The following GRID1 variants were observed in gnomAD, a reference collection of about 807,000 sequenced individuals.
GRID1 encodes glutamate receptor ionotropic, delta-1.
A neutral mutation model predicts 98.0 loss-of-function variants in GRID1; 28 were observed. The ratio of observed to expected loss-of-function variants is 0.29; its 90% CI spans 0.21 to 0.39. The LOEUF (loss-of-function observed/expected upper bound fraction) is 0.39, where lower values mean the gene tolerates loss of function less well. Among genes scored for constraint, GRID1 ranks in the 10% least tolerant of loss-of-function variants. The pLI is 1.00. For synonymous variants in GRID1, 553 were observed against 538.5 expected (o/e 1.03, Z -0.37); for missense variants, 1,111 against 1,340.5 (o/e 0.83, Z 2.67).
At position 85,789,298 on chromosome 10, in the gene GRID1, C is replaced by T. The variant is rs376597761; in HGVS notation, c.1234-59684G>A. Among the ~76,000 whole-genome samples the T allele has an allele frequency of 1.6e-4, 24 of 152,224 alleles. No individual in the cohort carries two copies. The South Asian group carries it at 2.3e-3, about 14-fold the overall frequency. On this transcript the variant is annotated intron_variant, in intron 8 of 15. Transcript: ENST00000327946. ...CCAAAGCTGACACTGCACAGAGTAC[C>T]GCCATCCGTGTGCAGGCTGGTGCCC... is the stretch of plus-strand genomic sequence containing the variant.
intron 2 of GRID1, among the ~76,000 whole-genome samples, chr10:86,265,250 C>G (rs532352289): frequency 6.6e-6 from 1 of 152,354 alleles, no homozygotes; most frequent in South Asian, 2.1e-4. Context: ...CTGACGGCTC[C>G]CTCTCTTGAC....
intron 12 of GRID1, among the ~76,000 whole-genome samples, chr10:85,688,246 T>C (rs1206088840): frequency 2.6e-5 from 4 of 152,192 alleles, no homozygotes; most frequent in Non-Finnish European, 5.9e-5. Flanking sequence ...ATCATTGCCT[T>C]TGGTGTCTAC....
chr10:85,918,902 T>C (rs1008397171), intron 4 of GRID1, among the ~76,000 whole-genome samples: 1 of 152,208 alleles, frequency 6.6e-6, no homozygotes, highest in African/African-American at 2.4e-5. Flanking sequence ...CTGACATTCT[T>C]CAGCAATGAT....
chr10:85,988,160 G>A (rs1842635468), intron 4 of GRID1, among the ~76,000 whole-genome samples: 1 of 152,008 alleles, frequency 6.6e-6, no homozygotes, highest in Non-Finnish European at 1.5e-5. Flanking sequence ...CCTCCTGCTG[G>A]ATTTAAGTGA....
intron 6 of GRID1, among the ~76,000 whole-genome samples, chr10:85,864,122 C>T (rs1363965729): frequency 6.6e-6 from 1 of 152,216 alleles, no homozygotes; most frequent in Non-Finnish European, 1.5e-5. Context: ...AGGAACTGAC[C>T]TCTGACCAAA....
chr10:86,134,519 G>A (rs1218952751), intron 4 of GRID1, among the ~76,000 whole-genome samples: 5 of 152,274 alleles, frequency 3.3e-5, no homozygotes, highest in African/African-American at 1.2e-4. Context: ...ACTGTAGGGC[G>A]TTAACCTCTA....
chr10:86,198,517 G>A (rs115601724), intron 3 of GRID1, among the ~76,000 whole-genome samples: 13 of 152,226 alleles, frequency 8.5e-5, no homozygotes, highest in African/African-American at 2.6e-4. Flanking sequence ...CAGTTACCAC[G>A]CGCCAGGTAC....
At position 86,023,666 on chromosome 10, in the gene GRID1, C is replaced by G. The variant is rs549140533; in HGVS notation, c.727-107427G>C. On this transcript the variant is annotated intron_variant, in intron 4 of 15. Transcript: ENST00000327946. ...CCAAGGCCAGACTCACCACCTCCCC[C>G]TGACCAAACACATTCTTCTTCCTGA... Among the ~76,000 whole-genome samples, 7 of 152,248 alleles carry G rather than the reference C, an allele frequency of 4.6e-5. No homozygotes were observed. In the South Asian group the frequency reaches 1.2e-3, roughly 27 times the overall value.
At chr10:85,825,855 A>AATTTT (rs1248466245) in intron 8 of GRID1, among the ~76,000 whole-genome samples, 73 of 152,340 alleles carry the variant, frequency 4.8e-4, no homozygotes, top group African/African-American at 1.6e-3. Context: ...ATTATCAATA[A>AATTTT]CTTATATTTT....
chr10:85,848,733 T>C (rs566157930), intron 8 of GRID1, among the ~76,000 whole-genome samples: 4 of 152,362 alleles, frequency 2.6e-5, no homozygotes, highest in Admixed American at 2.6e-4. Context: ...TGGGTATGTA[T>C]TGATAAAAAC....
chr10:86,118,079 T>G (rs779385403), intron 4 of GRID1, among the ~76,000 whole-genome samples: 1 of 152,042 alleles, frequency 6.6e-6, no homozygotes, highest in Non-Finnish European at 1.5e-5. Context: ...AACAAGTGAA[T>G]TAAGAAAATG....
intron 3 of GRID1, among the ~76,000 whole-genome samples, chr10:86,203,322 G>A (rs1440004024): frequency 6.6e-6 from 1 of 152,112 alleles, no homozygotes; most frequent in Non-Finnish European, 1.5e-5. Flanking sequence ...GGCTGTATTA[G>A]CAATGTGTAT....
chr10:85,820,237 A>T (rs890040419), intron 8 of GRID1, among the ~76,000 whole-genome samples: 2 of 151,554 alleles, frequency 1.3e-5, no homozygotes, highest in African/African-American at 4.9e-5. Flanking sequence ...CCTGATAAAT[A>T]CTCTTCAAAA....
At chr10:85,876,262 C>T (rs1303797422) in intron 5 of GRID1, among the ~76,000 whole-genome samples, 1 of 124,480 alleles carries the variant, frequency 8.0e-6, no homozygotes, top group Non-Finnish European at 1.8e-5. Context: ...AGGATGCCCT[C>T]CTTTGGAGAC....
intron 8 of GRID1, among the ~76,000 whole-genome samples, chr10:85,764,501 GA>G (rs950830429): frequency 6.6e-6 from 1 of 152,204 alleles, no homozygotes; most frequent in Non-Finnish European, 1.5e-5. Context: ...TTGATGTGGG[GA>G]AAGTCAGCCA....
chr10:86,328,982 G>A (rs1848097263), intron 2 of GRID1, among the ~76,000 whole-genome samples: 1 of 152,166 alleles, frequency 6.6e-6, no homozygotes, highest in Non-Finnish European at 1.5e-5. Flanking sequence ...GGACACCCAA[G>A]GCTATAAGGA....
chr10:86,023,170 C>T (rs761698844), intron 4 of GRID1, among the ~76,000 whole-genome samples: 4 of 152,194 alleles, frequency 2.6e-5, no homozygotes, highest in Non-Finnish European at 4.4e-5. Flanking sequence ...AGAGGCCCTG[C>T]GGAGGGATGC....
At chr10:85,728,695 C>T (rs1304069068) in intron 9 of GRID1, among the ~76,000 whole-genome samples, 2 of 152,160 alleles carry the variant, frequency 1.3e-5, no homozygotes, top group Admixed American at 6.5e-5. Context: ...GCACTCCCTA[C>T]CATTCCCCTT....
intron 8 of GRID1, among the ~76,000 whole-genome samples, chr10:85,801,577 A>G (rs1306744944): frequency 2.6e-5 from 4 of 151,816 alleles, no homozygotes; most frequent in African/African-American, 9.7e-5. Flanking sequence ...CCTCACAGAG[A>G]CAAAGAAAAC....
Sources: gnomAD v4.1 joint callset for allele counts (sites outside exome capture counted in the v4.1 genomes callset) on GRCh38, gnomAD v4.1.1 for gene constraint, MANE v1.5 for transcripts, NCBI Gene and HGNC (gene_info 2026-07-23, HGNC 2026-07-21) for gene names.